Variants in ANGPT1 observed in about 807,000 individuals in gnomAD.
ANGPT1 encodes angiopoietin 1.
ANGPT1 carries 17 observed loss-of-function variants against 62.2 expected under a neutral mutation model. That is an observed-to-expected ratio of 0.27 (90% CI 0.19 to 0.41). The LOEUF is 0.41. ANGPT1 is among the 10% of genes least tolerant of loss of function. The probability of loss-of-function intolerance (pLI) is 1.00; values close to 1 mark genes in which losing one functional copy is unlikely to be tolerated. For missense variants in ANGPT1, 478 were observed against 594.9 expected, an observed-to-expected ratio of 0.80 and a Z score of 2.04; for synonymous variants, 199 against 198.9, an observed-to-expected ratio of 1.00 and a Z score of 0.00.
In ANGPT1 at chr8:107,278,613, G is replaced by A. The variant is rs142446496; in HGVS notation, c.1205+6069C>T. 5.3e-5 allele frequency among the ~76,000 whole-genome samples: 8 copies of A among 152,248 alleles called. No individual in the cohort carries two copies. In the East Asian group the frequency reaches 1.4e-3, roughly 26 times the overall value. On this transcript the variant is annotated intron_variant, in intron 7 of 8. Coordinates refer to ENST00000517746, the MANE Select transcript of ANGPT1 (RefSeq NM_001146.5). Reference sequence around the variant, plus strand: ...GAATTTTGTGTGAGATTTGGAAGGCGAAAGTGAAGCAGTGGCCTGACTCTG... The same window carrying A: ...GAATTTTGTGTGAGATTTGGAAGGCAAAAGTGAAGCAGTGGCCTGACTCTG...
intron 4 of ANGPT1, among the ~76,000 whole-genome samples, chr8:107,305,091 T>C (rs935517580): frequency 2.0e-5 from 3 of 152,142 alleles, no homozygotes; most frequent in Admixed American, 2.0e-4. Context: ...ATTCTAACTT[T>C]ACGGACTGCT....
intron 2 of ANGPT1, among the ~76,000 whole-genome samples, chr8:107,338,036 C>A (rs947525989): frequency 3.3e-5 from 5 of 152,106 alleles, no homozygotes; most frequent in African/African-American, 1.2e-4. Flanking sequence ...GCAGAGTTTG[C>A]AGTGAGCCAT....
intron 1 of ANGPT1, among the ~76,000 whole-genome samples, chr8:107,375,906 T>A (rs576556037): frequency 1.3e-5 from 2 of 152,306 alleles, no homozygotes; most frequent in South Asian, 2.1e-4. Flanking sequence ...GGCTATATGG[T>A]CAATCATTGT....
intron 1 of ANGPT1, among the ~76,000 whole-genome samples, chr8:107,492,486 C>T (rs1399300390): frequency 1.3e-5 from 2 of 152,166 alleles, no homozygotes; most frequent in African/African-American, 4.8e-5. Context: ...CAGGCACACA[C>T]CACCAGGCCC....
chr8:107,474,840 T>C (rs1292420305), intron 1 of ANGPT1, among the ~76,000 whole-genome samples: 3 of 152,056 alleles, frequency 2.0e-5, no homozygotes, highest in Non-Finnish European at 2.9e-5. Flanking sequence ...CACAATTGCT[T>C]CAAAGAGAAT....
chr8:107,320,177 T>C (rs895411597), intron 4 of ANGPT1, among the ~76,000 whole-genome samples: 1 of 152,192 alleles, frequency 6.6e-6, no homozygotes, highest in Non-Finnish European at 1.5e-5. Context: ...AAAATGTTTC[T>C]TAAATTGAAC....
chr8:107,404,274 A>T (rs952064983), intron 1 of ANGPT1, among the ~76,000 whole-genome samples: 1 of 152,122 alleles, frequency 6.6e-6, no homozygotes, highest in African/African-American at 2.4e-5. Flanking sequence ...ATTCTATGGT[A>T]TACATAAATA....
intron 1 of ANGPT1, among the ~76,000 whole-genome samples, chr8:107,358,765 G>C (rs1816102355): frequency 6.6e-6 from 1 of 152,270 alleles, no homozygotes; most frequent in South Asian, 2.1e-4. Context: ...AAAGAAGCCT[G>C]GGCTAATTTA....
intron 1 of ANGPT1, among the ~76,000 whole-genome samples, chr8:107,374,218 C>T (rs193057590): frequency 1.2e-3 from 182 of 152,038 alleles, no homozygotes; most frequent in Non-Finnish European, 2.0e-3. Flanking sequence ...ATATAGCAGT[C>T]GTAAGAAAAC....
intron 1 of ANGPT1, among the ~76,000 whole-genome samples, chr8:107,493,881 T>A (rs1813028754): frequency 1.3e-5 from 2 of 150,404 alleles, no homozygotes; most frequent in Admixed American, 1.3e-4. Flanking sequence ...TTTCAAATCT[T>A]AACTCTGAAG....
chr8:107,264,150 T>C, intron 8 of ANGPT1, 71 bp downstream of exon 8: 1 of 1,520,284 alleles, frequency 6.6e-7, no homozygotes, highest in East Asian at 2.3e-5. Flanking sequence ...CATACTCCTT[T>C]CTCATAGATA....
intron 4 of ANGPT1, among the ~76,000 whole-genome samples, chr8:107,312,841 C>A (rs938251665): frequency 6.6e-6 from 1 of 152,040 alleles, no homozygotes; most frequent in Non-Finnish European, 1.5e-5. Context: ...GTCATGATTC[C>A]TGCTCCTTCT....
intron 8 of ANGPT1, among the ~76,000 whole-genome samples, chr8:107,259,428 G>A (rs531817188): frequency 1.3e-5 from 2 of 152,078 alleles, no homozygotes; most frequent in Admixed American, 6.6e-5. Context: ...AGAAATTTAC[G>A]TGTATGGCTT....
intron 1 of ANGPT1, among the ~76,000 whole-genome samples, chr8:107,486,188 A>G (rs188215549): frequency 3.3e-4 from 51 of 152,292 alleles, no homozygotes; most frequent in African/African-American, 1.0e-3. Flanking sequence ...CTACAGAAAA[A>G]TTTTTTAGAA....
At chr8:107,447,042 A>G (rs1811642502) in intron 1 of ANGPT1, among the ~76,000 whole-genome samples, 2 of 152,160 alleles carry the variant, frequency 1.3e-5, no homozygotes, top group African/African-American at 4.8e-5. Flanking sequence ...CTCATAGCCA[A>G]CGCCTCAAGA....
chr8:107,290,576 GAAAC>G (rs1279391159), intron 6 of ANGPT1, among the ~76,000 whole-genome samples: 3 of 152,066 alleles, frequency 2.0e-5, no homozygotes. Context: ...AGAAAGAACC[GAAAC>G]ACTGTCTACC....
At chr8:107,336,099 G>A in intron 3 of ANGPT1, 51 bp downstream of exon 3, 1 of 1,514,110 alleles carries the variant, frequency 6.6e-7, no homozygotes, top group South Asian at 1.3e-5. Context: ...GAGAGGTGAA[G>A]GATATAAATA....
At chr8:107,324,725 T>C (rs1815245332) in intron 3 of ANGPT1, among the ~76,000 whole-genome samples, 1 of 152,198 alleles carries the variant, frequency 6.6e-6, no homozygotes, top group Non-Finnish European at 1.5e-5. Flanking sequence ...GAAAAATACC[T>C]GAGGCTGCTA....
intron 1 of ANGPT1, among the ~76,000 whole-genome samples, chr8:107,418,588 T>C (rs1395244103): frequency 6.6e-6 from 1 of 152,190 alleles, no homozygotes; most frequent in East Asian, 1.9e-4. Flanking sequence ...TTTGCTGATA[T>C]ATGTCAAAAC....
Sources: gnomAD v4.1 joint callset for allele counts (sites outside exome capture counted in the v4.1 genomes callset) on GRCh38, gnomAD v4.1.1 for gene constraint, MANE v1.5 for transcripts, NCBI Gene and HGNC (gene_info 2026-07-23, HGNC 2026-07-21) for gene names.